Variants in GRIN1 observed in about 807,000 individuals in gnomAD.
GRIN1 encodes the protein glutamate receptor ionotropic, NMDA 1.
GRIN1 carries 38 observed loss-of-function variants against 103.0 expected under a neutral mutation model. That is an observed-to-expected ratio of 0.37 (90% CI 0.28 to 0.48). GRIN1 has a LOEUF of 0.48. GRIN1 is among the 20% of genes least tolerant of loss of function. The probability of loss-of-function intolerance (pLI) is 0.98; values close to 1 mark genes in which losing one functional copy is unlikely to be tolerated. For missense variants in GRIN1, 577 were observed against 1,288.9 expected (o/e 0.45, Z 8.46); for synonymous variants, 544 against 532.7 (o/e 1.02, Z -0.29).
In GRIN1 at chr9:137,163,098, C is replaced by T. The variant is rs1054562398; in HGVS notation, c.2172-71C>T. 737 of 1,587,034 alleles carry T rather than the reference C, an allele frequency of 4.6e-4. 1 individual carries two copies. Among genetic ancestry groups the T allele is most frequent in the Non-Finnish European group, 5.8e-4 (676 of 1,169,772 alleles). Reference sequence around the variant, plus strand: ...CAGGAGAGCGTCCGGGCCGGGCACCCCGGAGGGCGCGGGCGTGGGGCTTCC... The same window carrying T: ...CAGGAGAGCGTCCGGGCCGGGCACCTCGGAGGGCGCGGGCGTGGGGCTTCC... On this transcript the variant is annotated intron_variant, in intron 15 of 19. Coordinates refer to ENST00000371561, the MANE Select transcript of GRIN1 (RefSeq NM_007327.4).
intron 18 of GRIN1, 126 bp downstream of exon 18, chr9:137,164,030 C>A: frequency 8.5e-7 from 1 of 1,179,268 alleles, no homozygotes; most frequent in Non-Finnish European, 1.3e-6. Context: ...GGAGCCATGG[C>A]CAGGGGCAGT....
At chr9:137,166,484 C>T (rs925574167) in intron 19 of GRIN1, among the ~76,000 whole-genome samples, 7 of 152,248 alleles carry the variant, frequency 4.6e-5, no homozygotes, top group South Asian at 2.1e-4. Context: ...AGCTTACGCC[C>T]GGGGGAGGAA....
rs1429020279 is a variant in GRIN1, at chr9:137,168,107, G to A, written c.*580G>A. The A allele has an allele frequency of 1.8e-6, 1 of 557,490 alleles. No individual in the cohort carries two copies. The highest frequency in any genetic ancestry group is 3.2e-6 in the Non-Finnish European group (1 of 314,238). 34.5% of individuals were successfully genotyped at this position (557,490 alleles called of 1,614,324 possible). A position where few individuals can be genotyped will look rare whatever the true frequency, so the allele number is the denominator to read the frequency against. ...GCAGAGGCAGGGCCCTGGGGTCTCT[G>A]AGCAGTGGGGAGCGGGGGCTAACTG... is the stretch of plus-strand genomic sequence containing the variant. On this transcript the variant is annotated 3_prime_UTR_variant, in exon 20 of 20. Transcript: ENST00000371561.
Position 137,163,219 on chromosome 9 carries a change from C to G in GRIN1, c.2222C>G (p.Ser741Trp), listed in dbSNP as rs762382670. The change falls in exon 16 of 20, where the codon TCG becomes TGG. Residue 741 changes from serine (S) to tryptophan (W), a missense_variant. Transcript: ENST00000371561. ...WDSAVLEFEASQKCDLVTTGE... is the reference protein window; with the variant it reads ...WDSAVLEFEAWQKCDLVTTGE... ...TCGGCGGTGCTGGAGTTCGAGGCCT[C>G]GCAGAAGTGCGACCTGGTGACGACT... 1.2e-6 allele frequency: 2 copies of G among 1,613,650 alleles called. No homozygotes were observed. The highest frequency in any genetic ancestry group is 1.7e-6 in the Non-Finnish European group (2 of 1,179,946).
intron 3 of GRIN1, among the ~76,000 whole-genome samples, chr9:137,147,934 T>C (rs1284865886): frequency 6.6e-6 from 1 of 152,068 alleles, no homozygotes; most frequent in Non-Finnish European, 1.5e-5. Context: ...CACAGCTTCG[T>C]GGCAGGGAGC....
chr9:137,167,320 G>A, intron 19 of GRIN1, 91 bp from the exon 20 acceptor site: 1 of 1,016,874 alleles, frequency 9.8e-7, no homozygotes, highest in Non-Finnish European at 1.5e-6. Flanking sequence ...CCTGTGGCCG[G>A]TCCGGGCCAG....
intron 19 of GRIN1, among the ~76,000 whole-genome samples, chr9:137,165,604 C>T (rs1309373691): frequency 2.0e-5 from 3 of 152,230 alleles, no homozygotes; most frequent in Non-Finnish European, 4.4e-5. Context: ...GTCAGCCACA[C>T]CACCTCTCGG....
chr9:137,139,647 G>T lies in GRIN1; in HGVS notation c.161G>T (p.Gly54Val). 6.2e-7 allele frequency: 1 copy of T among 1,613,846 alleles called. No individual in the cohort carries two copies. The change falls in exon 1 of 20, where the codon GGC becomes GTC. Residue 54 changes from glycine (G) to valine (V), a missense_variant. By Grantham distance (109) the Gly-to-Val change is moderately radical. Around this residue, in one of 9 missense-constraint regions of GRIN1, gnomAD observed 308 missense variants for 553.6 expected, o/e 0.56. Coordinates refer to ENST00000371561, the MANE Select transcript of GRIN1 (RefSeq NM_007327.4). The surrounding 1 kb of genome is among the most constrained non-coding windows in gnomAD (Gnocchi z 7.7). ...EAVNQANKRH[G>V]SWKIQLNATS... ...GTGAACCAGGCCAACAAGCGGCACG[G>T]CTCCTGGAAGATTCAGCTCAATGCC...
In GRIN1 at chr9:137,167,804, C is replaced by G. The variant is rs199851199; in HGVS notation, c.*277C>G. 1 of 1,612,282 alleles carries G rather than the reference C, an allele frequency of 6.2e-7. No individual in the cohort carries two copies. The highest frequency in any genetic ancestry group is 1.1e-5 in the South Asian group (1 of 91,090). ...CCATCCCACTGATATCACGGGCCCG[C>G]TCAACCTCTCAGATCCCTCGGTCAG... On this transcript the variant is annotated 3_prime_UTR_variant, in exon 20 of 20. Transcript: ENST00000371561.
intron 3 of GRIN1, among the ~76,000 whole-genome samples, chr9:137,147,236 T>C (rs1266350863): frequency 1.3e-5 from 2 of 151,992 alleles, no homozygotes; most frequent in African/African-American, 4.8e-5. Context: ...CTTGCCTCCA[T>C]GCAGCTCCAG....
chr9:137,162,177 T>C lies in GRIN1; in HGVS notation c.1638T>C (p.Ile546=), dbSNP rs1395730885. Residue 546 remains isoleucine (I), a synonymous_variant, in exon 12 of 20, where the codon ATT becomes ATC. Transcript: ENST00000371561. ...GACCTCGCGTCCCTCCGCAGGAGATTCCCCGGAGCACGCTGGACTCGTTCA... is the reference window on the plus strand; with the variant it reads ...GACCTCGCGTCCCTCCGCAGGAGATCCCCCGGAGCACGCTGGACTCGTTCA... ...QGLTILVKKE[I]PRSTLDSFMQ... The C allele has an allele frequency of 6.5e-7, 1 of 1,544,506 alleles. No individual in the cohort carries two copies. Among genetic ancestry groups the C allele is most frequent in the African/African-American group, 1.4e-5 (1 of 73,164 alleles).
At chr9:137,155,310 C>T (rs1053883319) in intron 4 of GRIN1, among the ~76,000 whole-genome samples, 1 of 152,238 alleles carries the variant, frequency 6.6e-6, no homozygotes, top group Non-Finnish European at 1.5e-5. Context: ...TCTTGCTGGA[C>T]AAGCTGTGCT....
Position 137,167,735 on chromosome 9 carries a change from G to A in GRIN1, c.*208G>A, listed in dbSNP as rs1354721198. Reference sequence around the variant, plus strand: ...GGCCCCGCGCGTGCCCCCAGCGTGGGGCTAACGGGCGCCTTGTCTGTGTAT... The same window carrying A: ...GGCCCCGCGCGTGCCCCCAGCGTGGAGCTAACGGGCGCCTTGTCTGTGTAT... On this transcript the variant is annotated 3_prime_UTR_variant, in exon 20 of 20. Transcript: ENST00000371561. The A allele has an allele frequency of 1.9e-6, 3 of 1,610,858 alleles. No homozygotes were observed. The highest frequency in any genetic ancestry group is 4.5e-5 in the East Asian group (2 of 44,790).
At chr9:137,148,297 C>A in intron 3 of GRIN1, 1 of 901,318 alleles carries the variant, frequency 1.1e-6, no homozygotes, top group Non-Finnish European at 1.7e-6. Context: ...ACTGTCTGGC[C>A]CAGCCGCCGA....
At position 137,162,929 on chromosome 9, in the gene GRIN1, G is replaced by C. The variant is rs143865216; in HGVS notation, c.2097G>C (p.Leu699=). Residue 699 remains leucine (L), a synonymous_variant, in exon 15 of 20, where the codon CTG becomes CTC. Coordinates refer to ENST00000371561, the MANE Select transcript of GRIN1 (RefSeq NM_007327.4). ...VDIYFRRQVE[L]STMYRHMEKH... ...TCTACTTCCGGCGCCAGGTGGAGCT[G>C]AGCACCATGTACCGGCATATGGAGA... The C allele has an allele frequency of 3.8e-4, 614 of 1,610,084 alleles. No homozygotes were observed. Among genetic ancestry groups the C allele is most frequent in the Non-Finnish European group, 5.0e-4 (589 of 1,178,880 alleles).
In GRIN1 at chr9:137,162,178, C is replaced by A. The variant is rs1391892602; in HGVS notation, c.1639C>A (p.Pro547Thr). 6.5e-7 allele frequency: 1 copy of A among 1,544,414 alleles called. No homozygotes were observed. Among genetic ancestry groups the A allele is most frequent in the Admixed American group, 1.9e-5 (1 of 51,504 alleles). ...GLTILVKKEIPRSTLDSFMQP... is the reference protein window; with the variant it reads ...GLTILVKKEITRSTLDSFMQP... ...ACCTCGCGTCCCTCCGCAGGAGATTCCCCGGAGCACGCTGGACTCGTTCAT... is the reference window on the plus strand; with the variant it reads ...ACCTCGCGTCCCTCCGCAGGAGATTACCCGGAGCACGCTGGACTCGTTCAT... Residue 547 changes from proline to threonine, a missense_variant, in exon 12 of 20, where the codon CCC becomes ACC. Pro to Thr is a conservative substitution (Grantham distance 38, BLOSUM62 -1). Coordinates refer to ENST00000371561, the MANE Select transcript of GRIN1 (RefSeq NM_007327.4).
In GRIN1 at chr9:137,168,125, G is replaced by A. The variant is rs964430535; in HGVS notation, c.*598G>A. The A allele has an allele frequency of 2.4e-5, 13 of 540,734 alleles. No homozygotes were observed. Among genetic ancestry groups the A allele is most frequent in the African/African-American group, 8.0e-5 (4 of 49,774 alleles). The allele number at this position is 540,734 out of a possible 1,614,324, so 33.5% of individuals were successfully genotyped here. A position where few individuals can be genotyped will look rare whatever the true frequency, so the allele number is the denominator to read the frequency against. ...GGTCTCTGAGCAGTGGGGAGCGGGGGCTAACTGGCCCCAGGCGGAGGGGCT... is the reference window on the plus strand; with the variant it reads ...GGTCTCTGAGCAGTGGGGAGCGGGGACTAACTGGCCCCAGGCGGAGGGGCT... On this transcript the variant is annotated 3_prime_UTR_variant, in exon 20 of 20. Coordinates refer to ENST00000371561, the MANE Select transcript of GRIN1 (RefSeq NM_007327.4).
chr9:137,154,703 C>T (rs1355776006), intron 4 of GRIN1, among the ~76,000 whole-genome samples: 4 of 152,054 alleles, frequency 2.6e-5, no homozygotes, highest in Admixed American at 6.6e-5. Context: ...CTGCCCGCCT[C>T]GGCCTCCCAA....
intron 3 of GRIN1, among the ~76,000 whole-genome samples, chr9:137,147,618 G>A (rs892415648): frequency 6.6e-6 from 1 of 151,994 alleles, no homozygotes; most frequent in African/African-American, 2.4e-5. Context: ...CCCTGCAGGC[G>A]CACATAACGC....
Sources: gnomAD v4.1 joint callset for allele counts (sites outside exome capture counted in the v4.1 genomes callset) on GRCh38, gnomAD v4.1.1 for gene constraint, gnomAD v4.1.1 regional missense constraint, Gnocchi (gnomAD v3.1) non-coding constraint, MANE v1.5 for transcripts, NCBI Gene and HGNC (gene_info 2026-07-23, HGNC 2026-07-21) for gene names.